Variants in C9orf72 observed in about 807,000 individuals in gnomAD.
The protein encoded by C9orf72 is C9orf72-SMCR8 complex subunit, also known as guanine nucleotide exchange factor C9orf72.
In C9orf72, 44 loss-of-function variants were observed where a neutral mutation model predicts 51.6. That is an observed-to-expected ratio of 0.85 (90% CI 0.67 to 1.10). C9orf72 has a LOEUF of 1.10. Among genes scored for constraint, C9orf72 ranks in the 50% least tolerant of loss-of-function variants. The pLI is 0.00. For missense variants in C9orf72, 607 were observed against 570.6 expected (o/e 1.06, Z -0.65); for synonymous variants, 213 against 194.2 (o/e 1.10, Z -0.81).
At chr9:27,568,738 T>C (rs1355983436) in intron 1 of C9orf72, among the ~76,000 whole-genome samples, 2 of 152,222 alleles carry the variant, frequency 1.3e-5, no homozygotes, top group African/African-American at 4.8e-5. Flanking sequence ...CATACAATTA[T>C]TACAGTGTAC....
chr9:27,557,945 C>T (rs1221713710), intron 7 of C9orf72, among the ~76,000 whole-genome samples: 2 of 151,694 alleles, frequency 1.3e-5, no homozygotes, highest in Admixed American at 1.3e-4. Flanking sequence ...ATAGATTCAA[C>T]AAGGTGAACA....
intron 8 of C9orf72, among the ~76,000 whole-genome samples, chr9:27,555,401 G>A (rs1411285705): frequency 6.6e-6 from 1 of 152,024 alleles, no homozygotes; most frequent in Non-Finnish European, 1.5e-5. Context: ...GTAATTACTG[G>A]TGCTCCACAG....
rs1587293939 is a variant in C9orf72 at position 27,546,577 on chromosome 9, C to G, written c.*1659G>C. The G allele has an allele frequency of 6.6e-6, 1 of 152,026 alleles. No homozygotes were observed. The highest frequency in any genetic ancestry group is 1.5e-5 in the Non-Finnish European group (1 of 67,994). 9.4% of individuals were successfully genotyped at this position (152,026 alleles called of 1,614,324 possible). A position where few individuals can be genotyped will look rare whatever the true frequency, so the allele number is the denominator to read the frequency against. On this transcript the variant is annotated 3_prime_UTR_variant, in exon 11 of 11. Transcript: ENST00000380003. ...TCAAATATATTTTATTCAAAATTCT[C>G]CATTTAGGAGAAAAGATATATAACA... is the stretch of plus-strand genomic sequence containing the variant.
rs1392610426 is a variant in C9orf72 at position 27,556,654 on chromosome 9, C to A, written c.998G>T (p.Arg333Ile). ...EHIYNQRRYM[R>I]SELTAFWRAT... ...TCTCCAGAAGGCTGTCAGCTCGGAT[C>A]TCATGTATCTACGCTGATTATAAAT... Residue 333 changes from arginine (R) to isoleucine (I), a missense_variant, in exon 8 of 11, where the codon AGA becomes ATA. Transcript: ENST00000380003. 1 of 1,613,902 alleles carries A rather than the reference C, an allele frequency of 6.2e-7. No individual in the cohort carries two copies. The highest frequency in any genetic ancestry group is 1.1e-5 in the South Asian group (1 of 91,070).
At chr9:27,572,384 G>A (rs1426836824) in intron 1 of C9orf72, among the ~76,000 whole-genome samples, 4 of 151,926 alleles carry the variant, frequency 2.6e-5, no homozygotes, top group African/African-American at 4.8e-5. Context: ...TCCCCTATAT[G>A]ATAGTCTTGT....
chr9:27,568,281 C>T (rs1039675045), intron 1 of C9orf72, among the ~76,000 whole-genome samples: 33 of 151,264 alleles, frequency 2.2e-4, no homozygotes, highest in Admixed American at 1.8e-3. Context: ...GAAACCAATA[C>T]AGCATTTCAT....
intron 1 of C9orf72, among the ~76,000 whole-genome samples, chr9:27,572,688 G>A (rs1232357407): frequency 6.6e-6 from 1 of 152,036 alleles, no homozygotes; most frequent in Non-Finnish European, 1.5e-5. Flanking sequence ...ACAAAGCCTG[G>A]TGGTGTTCAA....
intron 1 of C9orf72, 33 bp from the exon 2 acceptor site, chr9:27,567,197 T>A: frequency 7.9e-7 from 1 of 1,269,892 alleles, no homozygotes; most frequent in South Asian, 1.3e-5. Context: ...AATGATTAGG[T>A]TCAGCAATTT....
At chr9:27,573,604 G>C (rs1411651004), upstream of C9orf72, 1 of 149,132 alleles carries the variant, frequency 6.7e-6, no homozygotes, top group African/African-American at 2.5e-5. Context: ...TTCCCTCCTT[G>C]TTTTCTTCTG....
chr9:27,558,263 A>C (rs890221572), intron 7 of C9orf72, among the ~76,000 whole-genome samples: 1 of 151,398 alleles, frequency 6.6e-6, no homozygotes, highest in African/African-American at 2.4e-5. Flanking sequence ...GACATGTAGG[A>C]ACAGGGACCC....
intron 9 of C9orf72, among the ~76,000 whole-genome samples, 159 bp downstream of exon 9, chr9:27,550,491 C>A (rs188094558): frequency 3.9e-5 from 6 of 152,190 alleles, no homozygotes; most frequent in African/African-American, 1.4e-4. Context: ...ACAGACTCTT[C>A]TGAGAACTGT....
In C9orf72 at chr9:27,547,324, A is replaced by T. The variant is rs1820788909; in HGVS notation, c.*912T>A. 2 of 152,696 alleles carry T rather than the reference A, an allele frequency of 1.3e-5. No individual in the cohort carries two copies. The highest frequency in any genetic ancestry group is 4.8e-5 in the African/African-American group (2 of 41,470). 9.5% of individuals were successfully genotyped at this position (152,696 alleles called of 1,614,324 possible). A position where few individuals can be genotyped will look rare whatever the true frequency, so the allele number is the denominator to read the frequency against. The stretch of plus-strand genomic sequence containing the variant: ...ATTTTATAATCTCAGAGTTGCAATG[A>T]TTGCCAAAGCAGGTACATGGTAAGA... On this transcript the variant is annotated 3_prime_UTR_variant, in exon 11 of 11. Coordinates refer to ENST00000380003, the MANE Select transcript of C9orf72 (RefSeq NM_018325.5).
At chr9:27,569,489 T>C (rs774768366) in intron 1 of C9orf72, among the ~76,000 whole-genome samples, 4 of 152,242 alleles carry the variant, frequency 2.6e-5, no homozygotes, top group Non-Finnish European at 5.9e-5. Context: ...GATAAATATT[T>C]ACCACTGTGT....
chr9:27,556,504 A>G (rs1013494001), intron 8 of C9orf72, 57 bp downstream of exon 8: 2 of 1,170,308 alleles, frequency 1.7e-6, no homozygotes, highest in Non-Finnish European at 2.5e-6. Flanking sequence ...TTTTATTCGT[A>G]AAAGACACAA....
At chr9:27,560,130 G>T in intron 6 of C9orf72, 97 bp downstream of exon 6, 1 of 753,014 alleles carries the variant, frequency 1.3e-6, no homozygotes. Flanking sequence ...TATACTACTA[G>T]ATCATTTTAA....
chr9:27,565,040 T>A (rs1176763587), intron 3 of C9orf72, among the ~76,000 whole-genome samples: 1 of 152,132 alleles, frequency 6.6e-6, no homozygotes, highest in Non-Finnish European at 1.5e-5. Context: ...TGACAAATTT[T>A]AATACTAAAA....
chr9:27,557,689 T>G (rs1334307239), intron 7 of C9orf72, among the ~76,000 whole-genome samples: 1 of 152,140 alleles, frequency 6.6e-6, no homozygotes, highest in South Asian at 2.1e-4. Flanking sequence ...TATGTATAAC[T>G]CAAATAGAAA....
chr9:27,548,435 GAAAAA>G lies in C9orf72; in HGVS notation c.1260-18_1260-14del, dbSNP rs11292923. On this transcript the variant is annotated splice_polypyrimidine_tract_variant and intron_variant, in intron 10 of 10. Coordinates refer to ENST00000380003, the MANE Select transcript of C9orf72 (RefSeq NM_018325.5). ...TTTTCCCTTCTGCCTAAAAATAATG[GAAAAA>G]AAAAAAAAAAAAAAAAAAAAAGAAG... is the stretch of plus-strand genomic sequence containing the variant. 7,034 of 173,178 alleles carry G rather than the reference GAAAAA, an allele frequency of 0.041. 8 individuals carry two copies. Among genetic ancestry groups the G allele is most frequent in the East Asian group, 0.078 (1,131 of 14,592 alleles). The allele number at this position is 173,178 out of a possible 1,614,324, so 10.7% of individuals were successfully genotyped here.
chr9:27,571,899 C>T (rs73643418), intron 1 of C9orf72, among the ~76,000 whole-genome samples: 3,199 of 152,324 alleles, frequency 0.021, 122 homozygotes, highest in African/African-American at 0.072. Context: ...GTTCACAACA[C>T]TTTCTCAATC....
Sources: gnomAD v4.1 joint callset for allele counts (sites outside exome capture counted in the v4.1 genomes callset) on GRCh38, gnomAD v4.1.1 for gene constraint, MANE v1.5 for transcripts, NCBI Gene and HGNC (gene_info 2026-07-23, HGNC 2026-07-21) for gene names.